The following RAPGEF5 variants were observed in gnomAD, a reference collection of about 807,000 sequenced individuals.
RAPGEF5 encodes the protein Rap guanine nucleotide exchange factor 5, also known as M-Ras-regulated GEF.
A neutral mutation model predicts 125.2 loss-of-function variants in RAPGEF5; 65 were observed. That is an observed-to-expected ratio of 0.52 (90% CI 0.43 to 0.64). The LOEUF (loss-of-function observed/expected upper bound fraction) is 0.64. RAPGEF5 is among the 30% of genes least tolerant of loss of function. The pLI is 0.00. For synonymous variants in RAPGEF5, 391 were observed against 385.9 expected, an observed-to-expected ratio of 1.01 and a Z score of -0.16; for missense variants, 958 against 1,048.1, an observed-to-expected ratio of 0.91 and a Z score of 1.19.
chr7:22,133,309 C>G (rs201163662), intron 23 of RAPGEF5, among the ~76,000 whole-genome samples: 1 of 152,140 alleles, frequency 6.6e-6, no homozygotes, highest in African/African-American at 2.4e-5. Flanking sequence ...AAGAGTTCAA[C>G]TGGCTACAGG....
chr7:22,211,128 C>A (rs1359869561), intron 9 of RAPGEF5, among the ~76,000 whole-genome samples: 1 of 152,120 alleles, frequency 6.6e-6, no homozygotes, highest in Non-Finnish European at 1.5e-5. Flanking sequence ...TATCTTAAAA[C>A]AACATTTAGG....
intron 1 of RAPGEF5, among the ~76,000 whole-genome samples, chr7:22,341,093 TAA>T (rs964610921): frequency 2.6e-5 from 4 of 152,212 alleles, no homozygotes; most frequent in African/African-American, 7.2e-5. Context: ...ACACTGCTGA[TAA>T]AGACATACCC....
In RAPGEF5 at chr7:22,264,422, A is replaced by T. The variant is rs12670895; in HGVS notation, c.796+2542T>A. On this transcript the variant is annotated intron_variant, in intron 7 of 25. Coordinates refer to ENST00000665637, the MANE Select transcript of RAPGEF5 (RefSeq NM_012294.5). ...TAAGGAAAACAGACATGCTAATATC[A>T]TACAGTGACATCACAACATAATAAA... Among the ~76,000 whole-genome samples the T allele has an allele frequency of 3.1e-3, 475 of 152,376 alleles. 6 individuals are homozygous for T. Among genetic ancestry groups the T allele is most frequent in the East Asian group, 0.028 (146 of 5,194 alleles).
At chr7:22,246,153 A>G (rs1393738182) in intron 7 of RAPGEF5, among the ~76,000 whole-genome samples, 1 of 152,228 alleles carries the variant, frequency 6.6e-6, no homozygotes, top group African/African-American at 2.4e-5. Context: ...CATACTGCCC[A>G]AAGCAATCTA....
At position 22,219,892 on chromosome 7, in the gene RAPGEF5, T is replaced by C. The variant is rs574689881; in HGVS notation, c.970A>G (p.Lys324Glu). 4.3e-6 allele frequency: 7 copies of C among 1,612,900 alleles called. No individual in the cohort carries two copies. The East Asian group carries it at 1.1e-4, about 26-fold the overall frequency. Residue 324 changes from lysine (K) to glutamate (E), a missense_variant, in exon 9 of 26, where the codon AAA becomes GAA. Transcript: ENST00000665637. ...KENYQFLQTDKKEQEKSEHQD... is the reference protein window; with the variant it reads ...KENYQFLQTDEKEQEKSEHQD... ...TGTTCAGACTTCTCCTGTTCTTTTT[T>C]GTCCGTCTGCAAAAACTGATAGTTT...
intron 9 of RAPGEF5, among the ~76,000 whole-genome samples, chr7:22,215,981 T>C (rs1785628405): frequency 6.6e-6 from 1 of 152,202 alleles, no homozygotes; most frequent in African/African-American, 2.4e-5. Flanking sequence ...ACAACATTCT[T>C]ATGTCTGCCA....
At chr7:22,248,461 G>A (rs1786535304) in intron 7 of RAPGEF5, among the ~76,000 whole-genome samples, 1 of 152,182 alleles carries the variant, frequency 6.6e-6, no homozygotes, top group Non-Finnish European at 1.5e-5. Context: ...GTGTGTTGCT[G>A]TAATACTTGT....
At chr7:22,321,177 T>G (rs1783708329) in intron 1 of RAPGEF5, among the ~76,000 whole-genome samples, 1 of 152,180 alleles carries the variant, frequency 6.6e-6, no homozygotes, top group Non-Finnish European at 1.5e-5. Flanking sequence ...TTTCCCTAAC[T>G]AATTACAGGC....
intron 11 of RAPGEF5, among the ~76,000 whole-genome samples, chr7:22,189,702 A>G (rs970315887): frequency 1.2e-4 from 19 of 152,354 alleles, no homozygotes; most frequent in Middle Eastern, 3.4e-3. Flanking sequence ...AACAGCTTCA[A>G]TCACTGTCCA....
chr7:22,181,415 T>C (rs1784670005), intron 11 of RAPGEF5, among the ~76,000 whole-genome samples: 1 of 152,302 alleles, frequency 6.6e-6, no homozygotes, highest in Middle Eastern at 3.4e-3. Flanking sequence ...CAGCCAGGTA[T>C]GCAATGGAGA....
intron 1 of RAPGEF5, among the ~76,000 whole-genome samples, chr7:22,355,007 A>G (rs1367185115): frequency 6.6e-6 from 1 of 152,228 alleles, no homozygotes; most frequent in African/African-American, 2.4e-5. Context: ...TCACAAAGGT[A>G]GTTCCAAGGC....
At chr7:22,234,701 T>C (rs895310333) in intron 7 of RAPGEF5, among the ~76,000 whole-genome samples, 1 of 152,146 alleles carries the variant, frequency 6.6e-6, no homozygotes, top group African/African-American at 2.4e-5. Context: ...GGATTCAAGG[T>C]GAATGAGTGT....
chr7:22,298,569 A>C (rs772088812), intron 5 of RAPGEF5: 1 of 152,190 alleles, frequency 6.6e-6, no homozygotes, highest in Non-Finnish European at 1.5e-5. Flanking sequence ...TTTCTGAAAG[A>C]GGTTATATAG....
At chr7:22,256,052 C>T (rs1451602363) in intron 7 of RAPGEF5, among the ~76,000 whole-genome samples, 2 of 152,122 alleles carry the variant, frequency 1.3e-5, no homozygotes, top group East Asian at 1.9e-4. Context: ...ATTACTCTTG[C>T]CTGCCCAGCA....
chr7:22,206,314 G>A (rs546963408), intron 9 of RAPGEF5, among the ~76,000 whole-genome samples: 60 of 152,308 alleles, frequency 3.9e-4, no homozygotes, highest in Admixed American at 7.8e-4. Flanking sequence ...TTTGATGCTA[G>A]TAATAAAATA....
At chr7:22,172,867 A>G (rs1379180711) in intron 11 of RAPGEF5, among the ~76,000 whole-genome samples, 1 of 152,252 alleles carries the variant, frequency 6.6e-6, no homozygotes, top group East Asian at 1.9e-4. Flanking sequence ...GCACTGCGAT[A>G]ATGAAACCAC....
intron 1 of RAPGEF5, among the ~76,000 whole-genome samples, chr7:22,338,621 G>T (rs75491391): frequency 0.12 from 18,278 of 152,176 alleles, 1,389 homozygotes; most frequent in Non-Finnish European, 0.15. Context: ...ACTCCTGGGA[G>T]GATGACACTT....
intron 6 of RAPGEF5, among the ~76,000 whole-genome samples, chr7:22,268,222 C>T (rs1046675477): frequency 6.6e-6 from 1 of 152,146 alleles, no homozygotes; most frequent in Non-Finnish European, 1.5e-5. Flanking sequence ...AGTGAGAAGA[C>T]AATCTTTGAC....
intron 11 of RAPGEF5, among the ~76,000 whole-genome samples, chr7:22,175,370 C>T (rs1784471681): frequency 6.6e-6 from 1 of 152,170 alleles, no homozygotes; most frequent in Admixed American, 6.5e-5. Context: ...ATATATCACA[C>T]TGTTTTTTCT....
Sources: gnomAD v4.1 joint callset for allele counts (sites outside exome capture counted in the v4.1 genomes callset) on GRCh38, gnomAD v4.1.1 for gene constraint, MANE v1.5 for transcripts, NCBI Gene and HGNC (gene_info 2026-07-23, HGNC 2026-07-21) for gene names.